VAPA: variants seen among roughly 807,000 people sequenced by gnomAD.
VAPA encodes the protein VAMP associated protein A.
In VAPA, 6 loss-of-function variants were observed where a neutral mutation model predicts 25.6. That is an observed-to-expected ratio of 0.23 (90% CI 0.13 to 0.46). The LOEUF (loss-of-function observed/expected upper bound fraction) is 0.46, where lower values mean the gene tolerates loss of function less well. Ranked by LOEUF, VAPA falls within the 20% of genes least tolerant of loss-of-function variation. The pLI, the probability that VAPA is intolerant of heterozygous loss-of-function variation, is 0.99. For missense variants in VAPA, 244 were observed against 302.1 expected (o/e 0.81, Z 1.43); for synonymous variants, 112 against 106.2 (o/e 1.05, Z -0.34).
Position 9,942,204 on chromosome 18 carries a change from A to G in VAPA, c.417+5138A>G, listed in dbSNP as rs185225645. On this transcript the variant is annotated intron_variant, in intron 4 of 5. Coordinates refer to ENST00000400000, the MANE Select transcript of VAPA (RefSeq NM_194434.3). Reference sequence around the variant, plus strand: ...ATTTTTTGTTTTAATATATGCATACATTATTAAATGATCACCACAGTCAAG... The same window carrying G: ...ATTTTTTGTTTTAATATATGCATACGTTATTAAATGATCACCACAGTCAAG... 1.4e-3 allele frequency among the ~76,000 whole-genome samples: 207 copies of G among 152,296 alleles called. 3 individuals are homozygous for G. The highest frequency in any genetic ancestry group is 7.7e-4 in the East Asian group (4 of 5,184).
rs2069522862 is a variant in VAPA at position 9,954,368 on chromosome 18, AG to A, written c.*158del. On this transcript the variant is annotated 3_prime_UTR_variant, in exon 6 of 6. Coordinates refer to ENST00000400000, the MANE Select transcript of VAPA (RefSeq NM_194434.3). ...TTGCCTTTAATGATCTCTTACGGTT[AG>A]AAAACACAATAAAAACAAACTGTTC... is the stretch of plus-strand genomic sequence containing the variant. The A allele has an allele frequency of 1.6e-6, 1 of 634,346 alleles. No individual in the cohort carries two copies. The highest frequency in any genetic ancestry group is 2.7e-6 in the Non-Finnish European group (1 of 374,402). The allele number at this position is 634,346 out of a possible 1,614,324, so 39.3% of individuals were successfully genotyped here. A position where few individuals can be genotyped will look rare whatever the true frequency, so the allele number is the denominator to read the frequency against.
chr18:9,955,276 A>C lies in VAPA; in HGVS notation c.*1065A>C, dbSNP rs1169093740. On this transcript the variant is annotated 3_prime_UTR_variant, in exon 6 of 6. Transcript: ENST00000400000. ...GTGTTTTTTTCGTGCTCAATTTGGC[A>C]CTCAAAATAATGTTCATTATGGAAG... 2 of 152,230 alleles carry C rather than the reference A, an allele frequency of 1.3e-5. No homozygotes were observed. The highest frequency in any genetic ancestry group is 2.9e-5 in the Non-Finnish European group (2 of 68,036). 9.4% of individuals were successfully genotyped at this position (152,230 alleles called of 1,614,324 possible).
At chr18:9,914,508 C>T (rs1341958017) in intron 1 of VAPA, 173 bp downstream of exon 1, 1 of 441,656 alleles carries the variant, frequency 2.3e-6, no homozygotes, top group Non-Finnish European at 3.8e-6. Flanking sequence ...GGCCGGCCTG[C>T]CCCTTGCTCC....
chr18:9,923,678 G>A (rs895704808), intron 1 of VAPA, among the ~76,000 whole-genome samples: 2 of 152,048 alleles, frequency 1.3e-5, no homozygotes, highest in Admixed American at 1.3e-4. Flanking sequence ...TTTAAAGCCT[G>A]TAGGGCCAGA....
intron 4 of VAPA, chr18:9,949,574 G>A (rs909687941): frequency 6.6e-6 from 1 of 152,136 alleles, no homozygotes; most frequent in South Asian, 2.1e-4. Context: ...GCTGAATAAA[G>A]CAGATTTTAC....
chr18:9,932,879 C>T (rs1015578782), intron 2 of VAPA, among the ~76,000 whole-genome samples: 2 of 152,018 alleles, frequency 1.3e-5, no homozygotes, highest in Admixed American at 6.5e-5. Context: ...GAGGCCGAGG[C>T]GGGTGGATCA....
chr18:9,932,608 T>C (rs1005529326), intron 2 of VAPA, among the ~76,000 whole-genome samples: 12 of 152,234 alleles, frequency 7.9e-5, no homozygotes, highest in African/African-American at 2.4e-4. Flanking sequence ...TTCACTAATA[T>C]AGCTGAGAAA....
chr18:9,935,572 CCT>C (rs1418654539), intron 2 of VAPA, among the ~76,000 whole-genome samples: 4 of 152,102 alleles, frequency 2.6e-5, no homozygotes, highest in East Asian at 3.9e-4. Flanking sequence ...AGAGTGAGAC[CCT>C]GTTTTAAAAA....
rs749045189 is a variant in VAPA at position 9,931,959 on chromosome 18, T to C, written c.229T>C (p.Ser77Pro). The C allele has an allele frequency of 5.7e-6, 9 of 1,584,382 alleles. No individual in the cohort carries two copies. Among genetic ancestry groups the C allele is most frequent in the Non-Finnish European group, 7.7e-6 (9 of 1,166,060 alleles). The change falls in exon 2 of 6, where the codon TCA becomes CCA. Residue 77 changes from serine (S) to proline (P), a missense_variant. Ser to Pro is a moderately conservative substitution (Grantham distance 74). This residue lies in a region of VAPA where 99 missense variants were observed against 161.6 expected (regional missense o/e 0.61). Transcript: ENST00000400000. ...IIDPGSTVTV[S>P]VMLQPFDYDP... ...TGACCCAGGGTCAACTGTGACTGTT[T>C]CAGGTAGCAAATCATGTTCTGAATT...
chr18:9,921,692 A>C (rs2069158097), intron 1 of VAPA, among the ~76,000 whole-genome samples: 1 of 152,178 alleles, frequency 6.6e-6, no homozygotes, highest in Non-Finnish European at 1.5e-5. Context: ...TACAGGATGG[A>C]TCTTGCTCTC....
At chr18:9,943,178 T>C (rs774280965) in intron 4 of VAPA, among the ~76,000 whole-genome samples, 1 of 152,180 alleles carries the variant, frequency 6.6e-6, no homozygotes, top group Non-Finnish European at 1.5e-5. Context: ...GTGGCTTGAG[T>C]CCATGTTTTT....
At chr18:9,920,318 C>G (rs1016447773) in intron 1 of VAPA, among the ~76,000 whole-genome samples, 22 of 151,820 alleles carry the variant, frequency 1.4e-4, no homozygotes, top group Non-Finnish European at 3.2e-4. Flanking sequence ...TCATTTTTTT[C>G]TTGAGATGGA....
At chr18:9,932,387 A>G (rs2069264613) in intron 2 of VAPA, among the ~76,000 whole-genome samples, 1 of 152,236 alleles carries the variant, frequency 6.6e-6, no homozygotes, top group Non-Finnish European at 1.5e-5. Context: ...TACTGTGTCA[A>G]ATCAGATGAG....
chr18:9,945,116 T>G, intron 4 of VAPA: 2 of 1,568,858 alleles, frequency 1.3e-6, no homozygotes, highest in Non-Finnish European at 1.7e-6. Flanking sequence ...GTTAAGTTAA[T>G]GTAGATACCT....
At chr18:9,914,358 C>G (rs1567889556) in intron 1 of VAPA, 23 bp downstream of exon 1, 1 of 1,557,580 alleles carries the variant, frequency 6.4e-7, no homozygotes, top group South Asian at 1.2e-5. Context: ...GGGACACCCC[C>G]GGGTGGGGTG....
chr18:9,933,095 CAAAA>C (rs1198421945), intron 2 of VAPA, among the ~76,000 whole-genome samples: 1 of 138,020 alleles, frequency 7.2e-6, no homozygotes, highest in Non-Finnish European at 1.6e-5. Context: ...AACAAACAAA[CAAAA>C]AAAGTGTACC....
intron 3 of VAPA, 58 bp from the exon 4 acceptor site, chr18:9,936,928 A>G: frequency 1.3e-6 from 2 of 1,514,844 alleles, no homozygotes; most frequent in East Asian, 2.3e-5. Flanking sequence ...CGTGAGGTGA[A>G]ACTTACTTAC....
Position 9,936,189 on chromosome 18 carries a change from A to G in VAPA, c.312A>G (p.Pro104=), listed in dbSNP as rs777574917. The part of the protein sequence containing the change: ...KFMVQTIFAP[P]NTSDMEAVWK... The stretch of plus-strand genomic sequence containing the variant: ...TGGTACAGACAATTTTTGCTCCACC[A>G]AACACTTCAGATATGGAAGCTGTGG... Residue 104 remains proline, a synonymous_variant, in exon 3 of 6, where the codon CCA becomes CCG. Coordinates refer to ENST00000400000, the MANE Select transcript of VAPA (RefSeq NM_194434.3). 6 of 1,604,374 alleles carry G rather than the reference A, an allele frequency of 3.7e-6. No individual in the cohort carries two copies. The highest frequency in any genetic ancestry group is 2.2e-5 in the East Asian group (1 of 44,506).
At chr18:9,941,059 C>T (rs1007574579) in intron 4 of VAPA, among the ~76,000 whole-genome samples, 3 of 151,764 alleles carry the variant, frequency 2.0e-5, no homozygotes, top group African/African-American at 7.3e-5. Context: ...AATCACATTG[C>T]GTATTTGCCT....
Sources: gnomAD v4.1 joint callset for allele counts (sites outside exome capture counted in the v4.1 genomes callset) on GRCh38, gnomAD v4.1.1 for gene constraint, gnomAD v4.1.1 regional missense constraint, MANE v1.5 for transcripts, NCBI Gene and HGNC (gene_info 2026-07-23, HGNC 2026-07-21) for gene names.